The following LRRFIP1 variants were observed in gnomAD, a reference collection of about 807,000 sequenced individuals.
The protein encoded by LRRFIP1 is leucine-rich repeat flightless-interacting protein 1.
Under a neutral mutation model 104.4 loss-of-function variants are expected in LRRFIP1, and 62 were observed. The observed-to-expected ratio is 0.59, with a 90% CI of 0.48 to 0.73. The LOEUF is 0.73. Ranked by LOEUF, LRRFIP1 falls within the 30% of genes least tolerant of loss-of-function variation. The pLI is 0.00. For synonymous variants in LRRFIP1, 300 were observed against 299.0 expected, an observed-to-expected ratio of 1.00 and a Z score of -0.03; for missense variants, 796 against 824.5, an observed-to-expected ratio of 0.97 and a Z score of 0.42.
chr2:237,705,086 A>G (rs1249567739), intron 1 of LRRFIP1, among the ~76,000 whole-genome samples: 2 of 152,104 alleles, frequency 1.3e-5, no homozygotes, highest in Non-Finnish European at 2.9e-5. Context: ...GAGCAGGTGC[A>G]ATACTGCACG....
intron 1 of LRRFIP1, among the ~76,000 whole-genome samples, chr2:237,646,098 T>G (rs1315159898): frequency 2.6e-5 from 4 of 151,992 alleles, no homozygotes; most frequent in African/African-American, 9.7e-5. Context: ...TCATTTTACT[T>G]CTTTGTAAAT....
chr2:237,647,611 A>G (rs2085146381), intron 1 of LRRFIP1, among the ~76,000 whole-genome samples: 1 of 151,288 alleles, frequency 6.6e-6, no homozygotes, highest in South Asian at 2.1e-4. Context: ...GCGGAGGGAT[A>G]AGGAGCAGAG....
intron 1 of LRRFIP1, among the ~76,000 whole-genome samples, chr2:237,656,105 A>G (rs576153299): frequency 6.6e-6 from 1 of 152,374 alleles, no homozygotes; most frequent in South Asian, 2.1e-4. Context: ...GATAGGAATT[A>G]CATATGTAAC....
intron 19 of LRRFIP1, chr2:237,762,949 T>C: frequency 6.2e-7 from 1 of 1,613,782 alleles, no homozygotes; most frequent in East Asian, 2.2e-5. Context: ...ACTGTTGGAG[T>C]GACTTAGATG....
rs1026030022 is a variant in LRRFIP1 at position 237,734,324 on chromosome 2, A to G, written c.489+506A>G. On this transcript the variant is annotated intron_variant, in intron 9 of 23. Coordinates refer to ENST00000308482, the MANE Select transcript of LRRFIP1 (RefSeq NM_001137550.2). ...GAGACAGAATCTCCCTCTGTCACCC[A>G]GGCTGGAGTGCAAGGGCACGATCTC... 7.6e-5 allele frequency among the ~76,000 whole-genome samples: 9 copies of G among 118,952 alleles called. No homozygotes were observed. In the Admixed American group the frequency reaches 9.3e-4, roughly 12 times the overall value. 78.0% of individuals were successfully genotyped at this position (118,952 alleles called of 152,430 possible).
intron 1 of LRRFIP1, among the ~76,000 whole-genome samples, chr2:237,689,147 C>T (rs6739947): frequency 0.12 from 17,804 of 151,928 alleles, 3,185 homozygotes; most frequent in African/African-American, 0.39. Context: ...TTTAGGTTGG[C>T]GTAAAAGTAT....
chr2:237,731,284 G>A (rs568497769), intron 8 of LRRFIP1, among the ~76,000 whole-genome samples: 12 of 152,220 alleles, frequency 7.9e-5, no homozygotes, highest in African/African-American at 2.9e-4. Context: ...CCCTATTCTC[G>A]TTTCCCTCCC....
chr2:237,636,628 C>A (rs2083165799), intron 1 of LRRFIP1, among the ~76,000 whole-genome samples: 1 of 152,064 alleles, frequency 6.6e-6, no homozygotes. Flanking sequence ...TGTGTTTTGG[C>A]CTCTGTCATC....
At chr2:237,771,209 T>C (rs2060588671) in intron 20 of LRRFIP1, among the ~76,000 whole-genome samples, 1 of 151,884 alleles carries the variant, frequency 6.6e-6, no homozygotes, top group Admixed American at 6.6e-5. Flanking sequence ...TCTGCAGTCA[T>C]TGACTGTTAA....
chr2:237,712,146 A>C lies in LRRFIP1; in HGVS notation c.184-2113A>C, dbSNP rs145188767. 2.8e-3 allele frequency among the ~76,000 whole-genome samples: 434 copies of C among 152,330 alleles called. 10 individuals are homozygous for C. In the East Asian group the frequency reaches 0.047, roughly 17 times the overall value. On this transcript the variant is annotated intron_variant, in intron 2 of 23. Coordinates refer to ENST00000308482, the MANE Select transcript of LRRFIP1 (RefSeq NM_001137550.2). Reference sequence around the variant, plus strand: ...TACCACTGGTGACGGGCATCTTCCCAAACTTTACAGGTGAGGAAAACAGGC... The same window carrying C: ...TACCACTGGTGACGGGCATCTTCCCCAACTTTACAGGTGAGGAAAACAGGC...
In LRRFIP1 at chr2:237,656,802, A is replaced by G. The variant is rs183249279; in HGVS notation, c.96+29062A>G. Among the ~76,000 whole-genome samples the G allele has an allele frequency of 9.8e-5, 15 of 152,360 alleles. No homozygotes were observed. In the East Asian group the frequency reaches 2.3e-3, roughly 23 times the overall value. Reference sequence around the variant, plus strand: ...AAAATTAAATGTGCCTTGTGTCAGTATGTATTTTTACTTTTTAAACATTTG... The same window carrying G: ...AAAATTAAATGTGCCTTGTGTCAGTGTGTATTTTTACTTTTTAAACATTTG... On this transcript the variant is annotated intron_variant, in intron 1 of 23. Coordinates refer to ENST00000308482, the MANE Select transcript of LRRFIP1 (RefSeq NM_001137550.2).
chr2:237,680,123 C>T (rs894311629), intron 1 of LRRFIP1, among the ~76,000 whole-genome samples: 15 of 152,100 alleles, frequency 9.9e-5, no homozygotes, highest in Non-Finnish European at 2.2e-4. Context: ...ACAGTTGGCC[C>T]TTTGTGTCTG....
Position 237,705,664 on chromosome 2 carries a change from C to CAA in LRRFIP1, c.97-2868_97-2867dup, listed in dbSNP as rs572956705. 9.0e-4 allele frequency among the ~76,000 whole-genome samples: 123 copies of CAA among 136,458 alleles called. 2 individuals carry two copies. The highest frequency in any genetic ancestry group is 3.0e-3 in the African/African-American group (115 of 37,924). 89.5% of individuals were successfully genotyped at this position (136,458 alleles called of 152,430 possible). A position where few individuals can be genotyped will look rare whatever the true frequency, so the allele number is the denominator to read the frequency against. On this transcript the variant is annotated intron_variant, in intron 1 of 23. Transcript: ENST00000308482. ...GGGCGACAGAGGGAGACCCTGTCTC[C>CAA]AAAAAAAAAAAAAGAGCCTGGACTC... is the stretch of plus-strand genomic sequence containing the variant.
chr2:237,736,087 A>C (rs2095237350), intron 10 of LRRFIP1, among the ~76,000 whole-genome samples: 1 of 152,212 alleles, frequency 6.6e-6, no homozygotes, highest in Non-Finnish European at 1.5e-5. Flanking sequence ...TTGCTTTTGA[A>C]GTTTATCAGC....
At chr2:237,642,042 G>A (rs74449699) in intron 1 of LRRFIP1, among the ~76,000 whole-genome samples, 11,198 of 152,238 alleles carry the variant, frequency 0.074, 459 homozygotes, top group South Asian at 0.1. Context: ...GTGTGGTGTA[G>A]AGGGTCAGCA....
At chr2:237,654,407 TTGG>T (rs1190913102) in intron 1 of LRRFIP1, among the ~76,000 whole-genome samples, 1 of 152,210 alleles carries the variant, frequency 6.6e-6, no homozygotes, top group African/African-American at 2.4e-5. Context: ...TCGTACACTG[TTGG>T]TGGGAATGTA....
chr2:237,747,059 G>A (rs1248142586), intron 11 of LRRFIP1, among the ~76,000 whole-genome samples: 1 of 152,218 alleles, frequency 6.6e-6, no homozygotes, highest in African/African-American at 2.4e-5. Flanking sequence ...GGTGTGGGGT[G>A]GCTGGGCGAG....
intron 19 of LRRFIP1, 137 bp from the exon 20 acceptor site, chr2:237,769,806 C>G: frequency 1.4e-6 from 1 of 707,726 alleles, no homozygotes; most frequent in Non-Finnish European, 2.5e-6. Context: ...TGTCTGTGGC[C>G]TCATTCACCG....
intron 6 of LRRFIP1, among the ~76,000 whole-genome samples, chr2:237,723,219 A>G (rs2094596891): frequency 6.6e-6 from 1 of 152,186 alleles, no homozygotes; most frequent in Non-Finnish European, 1.5e-5. Context: ...TTGAAAATTG[A>G]TGACAGTGCA....
Sources: allele counts gnomAD v4.1 joint callset (sites outside exome capture counted in the v4.1 genomes callset), GRCh38; gene constraint gnomAD v4.1.1; transcripts MANE v1.5; gene names NCBI Gene and HGNC (gene_info 2026-07-23, HGNC 2026-07-21).